PI4KA: variants seen among roughly 807,000 people sequenced by gnomAD.
PI4KA encodes phosphatidylinositol 4-kinase alpha, also known as PI4-kinase alpha.
Under a neutral mutation model 271.4 loss-of-function variants are expected in PI4KA, and 122 were observed. The ratio of observed to expected loss-of-function variants is 0.45; its 90% CI spans 0.39 to 0.52. The LOEUF is 0.52. Among genes scored for constraint, PI4KA ranks in the 20% least tolerant of loss-of-function variants. The pLI, the probability that PI4KA is intolerant of heterozygous loss-of-function variation, is 0.00. For missense variants in PI4KA, 1,969 were observed against 2,769.1 expected, an observed-to-expected ratio of 0.71 and a Z score of 6.48; for synonymous variants, 1,041 against 1,078.8, an observed-to-expected ratio of 0.96 and a Z score of 0.69.
intron 19 of PI4KA, chr22:20,786,972 T>A (rs1934291777): frequency 6.2e-7 from 1 of 1,614,178 alleles, no homozygotes; most frequent in Non-Finnish European, 8.5e-7. Context: ...CAAGTCCGCT[T>A]CACTGTCGAC....
At chr22:20,837,036 T>G (rs1924953355) in intron 2 of PI4KA, among the ~76,000 whole-genome samples, 1 of 152,226 alleles carries the variant, frequency 6.6e-6, no homozygotes. Context: ...TCATTTTATA[T>G]TTATGTAGGA....
intron 7 of PI4KA, among the ~76,000 whole-genome samples, chr22:20,815,903 C>T (rs1187101206): frequency 6.6e-6 from 1 of 151,910 alleles, no homozygotes; most frequent in Admixed American, 6.6e-5. Context: ...AGGGACCTAA[C>T]ATTTGGGATT....
At chr22:20,727,753 C>G in intron 40 of PI4KA, 21 bp downstream of exon 40, 1 of 1,591,252 alleles carries the variant, frequency 6.3e-7, no homozygotes, top group Non-Finnish European at 8.6e-7. Context: ...AACTCAGGCC[C>G]TGGTACGTGG....
At position 20,711,551 on chromosome 22, in the gene PI4KA, C is replaced by T. The variant is rs1275948779; in HGVS notation, c.5803-90G>A. On this transcript the variant is annotated intron_variant, in intron 50 of 54. Coordinates refer to ENST00000255882, the MANE Select transcript of PI4KA (RefSeq NM_058004.4). ...CACCCAGGATCCCTGGGCCTGTGGG[C>T]ACTCTCCCTGGCTCTGTACCCCCAC... The T allele has an allele frequency of 2.4e-5, 28 of 1,145,478 alleles. No homozygotes were observed. In the East Asian group the frequency reaches 6.6e-4, roughly 27 times the overall value. 71.0% of individuals were successfully genotyped at this position (1,145,478 alleles called of 1,614,324 possible). A position where few individuals can be genotyped will look rare whatever the true frequency, so the allele number is the denominator to read the frequency against.
At chr22:20,825,412 T>C (rs747703793) in intron 3 of PI4KA, among the ~76,000 whole-genome samples, 3 of 152,030 alleles carry the variant, frequency 2.0e-5, no homozygotes, top group African/African-American at 4.8e-5. Flanking sequence ...CCAGCCAACA[T>C]GGCAAAATAC....
chr22:20,818,935 G>T (rs925182351), intron 6 of PI4KA, among the ~76,000 whole-genome samples: 9 of 152,154 alleles, frequency 5.9e-5, no homozygotes, highest in Non-Finnish European at 8.8e-5. Flanking sequence ...TTATGTTGGG[G>T]ACTAGCCTCA....
At chr22:20,710,416 C>T (rs1342986119) in intron 52 of PI4KA, 2 of 554,104 alleles carry the variant, frequency 3.6e-6, no homozygotes, top group African/African-American at 1.9e-5. Context: ...GTGGCAGGTG[C>T]TCAGGCTTTG....
chr22:20,821,720 CA>C (rs1463152399), intron 4 of PI4KA, among the ~76,000 whole-genome samples: 1 of 150,772 alleles, frequency 6.6e-6, no homozygotes, highest in East Asian at 2.0e-4. Context: ...GCCTCCTTAG[CA>C]GCTGGGATTG....
chr22:20,709,921 T>C lies in PI4KA; in HGVS notation c.6160A>G (p.Ile2054Val), dbSNP rs765101344. 2.2e-5 allele frequency: 35 copies of C among 1,608,856 alleles called. No homozygotes were observed. Among genetic ancestry groups the C allele is most frequent in the East Asian group, 6.7e-5 (3 of 44,838 alleles). The change falls in exon 53 of 55, where the codon ATC (isoleucine) becomes GTC (valine). Residue 2054 changes from isoleucine to valine, a missense_variant. Coordinates refer to ENST00000255882, the MANE Select transcript of PI4KA (RefSeq NM_058004.4). ...TGLPCFRGQT[I>V]KLLKHRFSPN... The stretch of plus-strand genomic sequence containing the variant: ...CAAGGAACCTACTTCAAGAGCTTGA[T>C]TGTCTGGCCGCGAAAACAGGGCAGG...
In PI4KA at chr22:20,838,561, G is replaced by A. The variant is rs939593975; in HGVS notation, c.273+54C>T. The stretch of plus-strand genomic sequence containing the variant: ...AATATAAGCAGATACAAACTTAAAC[G>A]CTCACTACACCCCCTTTTACAATGA... On this transcript the variant is annotated intron_variant, in intron 2 of 54. Transcript: ENST00000255882. 24 of 968,698 alleles carry A rather than the reference G, an allele frequency of 2.5e-5. 1 individual carries two copies. Among genetic ancestry groups the A allele is most frequent in the Non-Finnish European group, 3.5e-5 (21 of 602,840 alleles). The allele number at this position is 968,698 out of a possible 1,614,324, so 60.0% of individuals were successfully genotyped here.
At chr22:20,819,472 C>T (rs1000262562) in intron 6 of PI4KA, among the ~76,000 whole-genome samples, 169 bp downstream of exon 6, 2 of 151,948 alleles carry the variant, frequency 1.3e-5, no homozygotes, top group Middle Eastern at 3.4e-3. Flanking sequence ...TAAGCCCTTC[C>T]CCCCAACATC....
rs1021741571 is a variant in PI4KA at position 20,756,261 on chromosome 22, G to A, written c.2792-3081C>T. On this transcript the variant is annotated intron_variant, in intron 23 of 54. Transcript: ENST00000255882. The stretch of plus-strand genomic sequence containing the variant: ...AGAGTTTCGCTCATCGCCCAGGCTG[G>A]AGCGCAGTGGTGCGATCTCAGCTCA... Among the ~76,000 whole-genome samples the A allele has an allele frequency of 4.0e-5, 6 of 151,682 alleles. No individual in the cohort carries two copies. In the East Asian group the frequency reaches 5.8e-4, roughly 15 times the overall value.
chr22:20,848,387 C>T (rs1926545140), intron 1 of PI4KA, among the ~76,000 whole-genome samples: 1 of 151,992 alleles, frequency 6.6e-6, no homozygotes, highest in Admixed American at 6.6e-5. Context: ...TTCAAGGGAC[C>T]CAGAATAACA....
intron 23 of PI4KA, among the ~76,000 whole-genome samples, chr22:20,756,206 C>CT (rs200988090): frequency 0.041 from 5,858 of 141,228 alleles, 119 homozygotes; most frequent in Middle Eastern, 0.059. Context: ...AGTATAATAG[C>CT]TTTTTTTTTT....
intron 7 of PI4KA, 42 bp downstream of exon 7, chr22:20,818,441 C>T (rs1922130400): frequency 6.8e-7 from 1 of 1,461,744 alleles, no homozygotes; most frequent in Non-Finnish European, 9.4e-7. Flanking sequence ...GCCTGTTCTC[C>T]AAGTATTACG....
At chr22:20,765,551 T>A in intron 20 of PI4KA, 34 bp downstream of exon 20, 1 of 1,416,318 alleles carries the variant, frequency 7.1e-7, no homozygotes, top group Non-Finnish European at 1.0e-6. Context: ...CACTCTGCAC[T>A]CCGTCTTCAC....
chr22:20,845,635 C>T (rs1224430313), intron 1 of PI4KA, among the ~76,000 whole-genome samples: 1 of 152,172 alleles, frequency 6.6e-6, no homozygotes, highest in African/African-American at 2.4e-5. Context: ...TGACATGATA[C>T]ACATGGACCT....
intron 7 of PI4KA, among the ~76,000 whole-genome samples, chr22:20,818,022 G>C (rs940028892): frequency 2.0e-5 from 3 of 152,050 alleles, no homozygotes; most frequent in African/African-American, 7.2e-5. Flanking sequence ...CTACTTGGGA[G>C]GCTGAGGCAA....
intron 47 of PI4KA, 149 bp from the exon 48 acceptor site, chr22:20,713,539 C>T: frequency 1.6e-6 from 1 of 628,284 alleles, no homozygotes; most frequent in Non-Finnish European, 2.8e-6. Context: ...CAAGGAGGAG[C>T]CCAGCAGGGC....
Sources: gnomAD v4.1 joint callset for allele counts (sites outside exome capture counted in the v4.1 genomes callset) on GRCh38, gnomAD v4.1.1 for gene constraint, MANE v1.5 for transcripts, NCBI Gene and HGNC (gene_info 2026-07-23, HGNC 2026-07-21) for gene names.